The following ATP7B variants were observed in gnomAD, a reference collection of about 807,000 sequenced individuals.
ATP7B encodes copper-transporting ATPase 2.
A neutral mutation model predicts 118.9 loss-of-function variants in ATP7B; 113 were observed. The ratio of observed to expected loss-of-function variants is 0.95; its 90% CI spans 0.82 to 1.11. The LOEUF is 1.11. Ranked by LOEUF, ATP7B falls within the 50% of genes most tolerant of loss-of-function variation. The probability of loss-of-function intolerance (pLI) is 0.00; values close to 1 mark genes in which losing one functional copy is unlikely to be tolerated. For synonymous variants in ATP7B, 777 were observed against 727.4 expected, an observed-to-expected ratio of 1.07 and a Z score of -1.10; for missense variants, 1,867 against 1,871.4, an observed-to-expected ratio of 1.00 and a Z score of 0.04.
rs532614873 is a variant in ATP7B at position 51,937,741 on chromosome 13, T to C, written c.3700-62A>G. On this transcript the variant is annotated intron_variant, in intron 17 of 20. Transcript: ENST00000242839. ...AAGGTATCAGATAGCAGCAGAAACC[T>C]CAAGTTACCCTTGCCCCCTCTGCCC... 6.3e-6 allele frequency: 10 copies of C among 1,577,874 alleles called. No homozygotes were observed. The African/African-American group carries it at 6.7e-5, about 11-fold the overall frequency.
intron 9 of ATP7B, among the ~76,000 whole-genome samples, chr13:51,952,307 T>C (rs1958059009): frequency 6.6e-6 from 1 of 152,192 alleles, no homozygotes; most frequent in Non-Finnish European, 1.5e-5. Flanking sequence ...GAATTAATTG[T>C]ATAGGTAATA....
At chr13:51,978,267 G>T (rs538034889) in intron 1 of ATP7B, among the ~76,000 whole-genome samples, 1 of 152,164 alleles carries the variant, frequency 6.6e-6, no homozygotes, top group Non-Finnish European at 1.5e-5. Flanking sequence ...AATACAGAGA[G>T]TTCCTCCAAA....
intron 9 of ATP7B, among the ~76,000 whole-genome samples, chr13:51,953,047 C>T (rs1958106770): frequency 6.6e-6 from 1 of 152,206 alleles, no homozygotes; most frequent in South Asian, 2.1e-4. Context: ...AAATGGAGTA[C>T]TGAAAAGGAG....
chr13:51,935,876 G>A (rs1412084337), intron 19 of ATP7B, among the ~76,000 whole-genome samples, 181 bp from the exon 20 acceptor site: 1 of 152,232 alleles, frequency 6.6e-6, no homozygotes, highest in African/African-American at 2.4e-5. Flanking sequence ...TTCCTAGAAA[G>A]CTGGGTGTGG....
intron 1 of ATP7B, among the ~76,000 whole-genome samples, chr13:52,001,507 C>T (rs1050592631): frequency 2.0e-5 from 3 of 152,220 alleles, no homozygotes; most frequent in Admixed American, 6.5e-5. Flanking sequence ...CACCTGCCTC[C>T]GGAACTGTCT....
chr13:51,956,305 G>A (rs1484398044), intron 9 of ATP7B, among the ~76,000 whole-genome samples: 1 of 152,222 alleles, frequency 6.6e-6, no homozygotes, highest in Non-Finnish European at 1.5e-5. Flanking sequence ...CCATGGGGAA[G>A]CAAGGGGTCT....
rs572579467 is a variant in ATP7B, at chr13:51,970,454, C to G, written c.1543+38G>C. The G allele has an allele frequency of 1.2e-5, 20 of 1,613,684 alleles. No individual in the cohort carries two copies. The African/African-American group carries it at 2.4e-4, about 19-fold the overall frequency. ...GAAGGGAGAATACGAGGTCTATACGCAGCATTCCTAAGTTCAACATGGGCG... is the reference window on the plus strand; with the variant it reads ...GAAGGGAGAATACGAGGTCTATACGGAGCATTCCTAAGTTCAACATGGGCG... On this transcript the variant is annotated intron_variant, in intron 3 of 20. Coordinates refer to ENST00000242839, the MANE Select transcript of ATP7B (RefSeq NM_000053.4).
chr13:51,946,668 C>T (rs1308888598), intron 12 of ATP7B, 190 bp from the exon 13 acceptor site: 2 of 671,730 alleles, frequency 3.0e-6, no homozygotes, highest in Non-Finnish European at 5.2e-6. Flanking sequence ...TCCCAGCTAT[C>T]CAACTTCATC....
At chr13:51,971,223 T>C (rs563189921) in intron 2 of ATP7B, among the ~76,000 whole-genome samples, 2 of 152,288 alleles carry the variant, frequency 1.3e-5, no homozygotes, top group East Asian at 1.9e-4. Flanking sequence ...CCAGGTAAAA[T>C]ACAGGACATC....
In ATP7B at chr13:51,966,460, G is replaced by A. The variant is rs115355386; in HGVS notation, c.1708-1427C>T. Among the ~76,000 whole-genome samples, 785 of 152,302 alleles carry A rather than the reference G, an allele frequency of 5.2e-3. 5 individuals are homozygous for A. The highest frequency in any genetic ancestry group is 0.018 in the African/African-American group (750 of 41,558). ...CACCGCTTGTGCCGTACCATGTTGTGTATCCTGACATGGGAAAGGGAAGTC... is the reference window on the plus strand; with the variant it reads ...CACCGCTTGTGCCGTACCATGTTGTATATCCTGACATGGGAAAGGGAAGTC... On this transcript the variant is annotated intron_variant, in intron 4 of 20. Coordinates refer to ENST00000242839, the MANE Select transcript of ATP7B (RefSeq NM_000053.4).
chr13:51,961,263 A>C (rs967945403), intron 6 of ATP7B, among the ~76,000 whole-genome samples: 1 of 151,814 alleles, frequency 6.6e-6, no homozygotes, highest in Non-Finnish European at 1.5e-5. Context: ...AGACAGGGAA[A>C]GTATTTATCC....
Position 51,934,861 on chromosome 13 carries a change from G to C in ATP7B, c.4293C>G (p.Ser1431=), listed in dbSNP as rs1186027489. ...QVSYVSQVSL[S]SLTSDKPSRH... Reference sequence around the variant, plus strand: ...GAGATGGCTTGTCGGACGTCAGGGAGGACAGCGACACCTGGCTGACATAGC... The same window carrying C: ...GAGATGGCTTGTCGGACGTCAGGGACGACAGCGACACCTGGCTGACATAGC... Residue 1431 remains serine (S), a synonymous_variant, in exon 21 of 21, where the codon TCC becomes TCG. Coordinates refer to ENST00000242839, the MANE Select transcript of ATP7B (RefSeq NM_000053.4). 2 of 1,614,216 alleles carry C rather than the reference G, an allele frequency of 1.2e-6. No homozygotes were observed. Among genetic ancestry groups the C allele is most frequent in the Non-Finnish European group, 1.7e-6 (2 of 1,180,048 alleles).
chr13:51,985,227 A>C (rs1485863412), intron 1 of ATP7B, among the ~76,000 whole-genome samples: 1 of 152,238 alleles, frequency 6.6e-6, no homozygotes, highest in Non-Finnish European at 1.5e-5. Flanking sequence ...AGGAAGATTT[A>C]CCAAGCAAAT....
intron 4 of ATP7B, chr13:51,967,162 C>G (rs1951593294): frequency 4.5e-6 from 7 of 1,566,872 alleles, no homozygotes; most frequent in Non-Finnish European, 6.1e-6. Flanking sequence ...ATTCCATCAT[C>G]ACTTTGGACA....
intron 1 of ATP7B, among the ~76,000 whole-genome samples, chr13:51,983,971 G>C: frequency 6.6e-6 from 1 of 152,130 alleles, no homozygotes; most frequent in East Asian, 1.9e-4. Context: ...AGCGCAACAA[G>C]CCTGAAAATT....
At chr13:51,995,563 G>A (rs548495049) in intron 1 of ATP7B, among the ~76,000 whole-genome samples, 1 of 152,232 alleles carries the variant, frequency 6.6e-6, no homozygotes, top group African/African-American at 2.4e-5. Context: ...CTGAGTTCAC[G>A]GCCACGGCTT....
At position 52,011,387 on chromosome 13, in the gene ATP7B, G is replaced by A. The variant is rs1954029186; in HGVS notation, c.-50C>T. ...TCTCTGATCTGGCTCAGAGCAAAAG[G>A]TCACCTGGTCGGTGGAGGAGAGCGG... On this transcript the variant is annotated 5_prime_UTR_variant, in exon 1 of 21. Coordinates refer to ENST00000242839, the MANE Select transcript of ATP7B (RefSeq NM_000053.4). 6.2e-7 allele frequency: 1 copy of A among 1,613,014 alleles called. No individual in the cohort carries two copies. Among genetic ancestry groups the A allele is most frequent in the Non-Finnish European group, 8.5e-7 (1 of 1,178,980 alleles).
At chr13:51,963,509 G>A (rs1393263794) in intron 5 of ATP7B, among the ~76,000 whole-genome samples, 1 of 152,090 alleles carries the variant, frequency 6.6e-6, no homozygotes, top group Non-Finnish European at 1.5e-5. Context: ...GCTGAGGCAG[G>A]TGGATCACCT....
chr13:51,967,142 T>G, intron 4 of ATP7B: 1 of 1,586,968 alleles, frequency 6.3e-7, no homozygotes, highest in Non-Finnish European at 8.6e-7. Context: ...TATGAAAAAG[T>G]AGAATAAAAA....
Sources: allele counts gnomAD v4.1 joint callset (sites outside exome capture counted in the v4.1 genomes callset), GRCh38; gene constraint gnomAD v4.1.1; transcripts MANE v1.5; gene names NCBI Gene and HGNC (gene_info 2026-07-23, HGNC 2026-07-21).